OTUD4: variants seen among roughly 807,000 people sequenced by gnomAD.
OTUD4 encodes the protein OTU deubiquitinase 4.
A neutral mutation model predicts 130.4 loss-of-function variants in OTUD4; 24 were observed. The observed-to-expected ratio is 0.18, with a 90% CI of 0.13 to 0.26. OTUD4 has a LOEUF of 0.26. Among genes scored for constraint, OTUD4 ranks in the 10% least tolerant of loss-of-function variants. The probability of loss-of-function intolerance (pLI) is 1.00; values close to 1 mark genes in which losing one functional copy is unlikely to be tolerated. For synonymous variants in OTUD4, 420 were observed against 472.5 expected, an observed-to-expected ratio of 0.89 and a Z score of 1.44; for missense variants, 1,031 against 1,329.4, an observed-to-expected ratio of 0.78 and a Z score of 3.49.
At chr4:145,149,876 A>G (rs1293831109) in intron 13 of OTUD4, among the ~76,000 whole-genome samples, 2 of 152,262 alleles carry the variant, frequency 1.3e-5, no homozygotes, top group African/African-American at 2.4e-5. Context: ...CAGTTTCAAC[A>G]TAAGACACAG....
chr4:145,137,241 A>G lies in OTUD4; in HGVS notation c.*189T>C, dbSNP rs1750317120. ...AGATTCTGAATGAAGAAAACTGGCA[A>G]TGCCAGGAATTAACCTGCCCCCTTG... On this transcript the variant is annotated 3_prime_UTR_variant, in exon 21 of 21. Transcript: ENST00000447906. 4.3e-6 allele frequency: 2 copies of G among 468,518 alleles called. No homozygotes were observed. The highest frequency in any genetic ancestry group is 3.9e-5 in the African/African-American group (2 of 50,650). 29.0% of individuals were successfully genotyped at this position (468,518 alleles called of 1,614,324 possible).
chr4:145,174,389 T>C (rs1412743685), intron 2 of OTUD4, among the ~76,000 whole-genome samples: 3 of 152,188 alleles, frequency 2.0e-5, no homozygotes, highest in East Asian at 1.9e-4. Context: ...GCAAGGGCCT[T>C]GTCCAGGTCA....
intron 14 of OTUD4, among the ~76,000 whole-genome samples, chr4:145,145,460 G>A (rs1750776470): frequency 6.6e-6 from 1 of 152,112 alleles, no homozygotes; most frequent in Admixed American, 6.5e-5. Context: ...ACAGAGACCA[G>A]AAGACACACC....
At chr4:145,143,497 G>A (rs764817261) in intron 16 of OTUD4, 52 bp from the exon 17 acceptor site, 3 of 1,039,962 alleles carry the variant, frequency 2.9e-6, no homozygotes, top group Non-Finnish European at 4.5e-6. Context: ...CCCACATTCT[G>A]GAATATTGAT....
chr4:145,168,405 T>TA (rs1751982639), intron 3 of OTUD4, among the ~76,000 whole-genome samples: 5 of 11,042 alleles, frequency 4.5e-4, no homozygotes, highest in Admixed American at 1.2e-3. Context: ...ATAAATAAAA[T>TA]AAAAAATTAA....
rs763369177 is a variant in OTUD4, at chr4:145,141,551, G to A, written c.1911C>T (p.Pro637=). ...DSAVSQAHLT[P]SPVPVSIQAV... is the part of the protein sequence containing the mutation. ...CCTGTATTGACACAGGAACTGGAGA[G>A]GGTGTTAAATGAGCTTGGGATACAG... Residue 637 remains proline (P), a synonymous_variant, in exon 19 of 21, where the codon CCC becomes CCT. Coordinates refer to ENST00000447906, the MANE Select transcript of OTUD4 (RefSeq NM_001366057.1). 1 of 1,611,510 alleles carries A rather than the reference G, an allele frequency of 6.2e-7. No homozygotes were observed. The highest frequency in any genetic ancestry group is 8.5e-7 in the Non-Finnish European group (1 of 1,178,524).
At chr4:145,163,324 C>T (rs976257395) in intron 5 of OTUD4, among the ~76,000 whole-genome samples, 10 of 152,318 alleles carry the variant, frequency 6.6e-5, no homozygotes, top group African/African-American at 2.2e-4. Context: ...GCCATCATGA[C>T]TCCAAAATAG....
chr4:145,149,416 T>G (rs1008601117), intron 13 of OTUD4: 2 of 152,246 alleles, frequency 1.3e-5, no homozygotes, highest in African/African-American at 4.8e-5. Flanking sequence ...CTGACCAGTT[T>G]ATGGTATTTT....
At chr4:145,141,008 T>C (rs918781491) in intron 19 of OTUD4, among the ~76,000 whole-genome samples, 1 of 151,448 alleles carries the variant, frequency 6.6e-6, no homozygotes, top group Non-Finnish European at 1.5e-5. Context: ...TACTAAAAAA[T>C]ACAAAAAATT....
chr4:145,176,139 G>A (rs1752410731), intron 1 of OTUD4, among the ~76,000 whole-genome samples: 1 of 150,612 alleles, frequency 6.6e-6, no homozygotes, highest in Non-Finnish European at 1.5e-5. Flanking sequence ...CAGGTGATCT[G>A]CCCGCCTGGG....
chr4:145,143,913 A>G (rs1413579460), intron 16 of OTUD4, 33 bp downstream of exon 16: 2 of 1,545,964 alleles, frequency 1.3e-6, no homozygotes, highest in Non-Finnish European at 1.8e-6. Context: ...TTAAGGAAAA[A>G]GAAAAGATGC....
At chr4:145,143,769 A>G (rs1489413814) in intron 16 of OTUD4, among the ~76,000 whole-genome samples, 177 bp downstream of exon 16, 1 of 152,204 alleles carries the variant, frequency 6.6e-6, no homozygotes, top group Non-Finnish European at 1.5e-5. Context: ...ACCTTGAAGA[A>G]ACTGTCATAA....
intron 6 of OTUD4, among the ~76,000 whole-genome samples, chr4:145,160,489 G>A (rs1181351368): frequency 1.3e-5 from 2 of 152,142 alleles, no homozygotes; most frequent in Non-Finnish European, 2.9e-5. Flanking sequence ...TTATAACAAT[G>A]AGCTTTAAGA....
chr4:145,138,685 A>G (rs1750405830), intron 20 of OTUD4, 35 bp from the exon 21 acceptor site: 8 of 1,553,954 alleles, frequency 5.1e-6, no homozygotes, highest in Non-Finnish European at 6.9e-6. Flanking sequence ...TAAACAAAAG[A>G]GGAGAAAAAA....
intron 17 of OTUD4, 87 bp from the exon 18 acceptor site, chr4:145,142,421 T>G: frequency 8.9e-7 from 1 of 1,127,444 alleles, no homozygotes; most frequent in Non-Finnish European, 1.3e-6. Context: ...AGATACATAT[T>G]GAGTTGCCTG....
Position 145,143,948 on chromosome 4 carries a change from C to T in OTUD4, c.1600G>A (p.Glu534Lys). The T allele has an allele frequency of 6.2e-7, 1 of 1,610,048 alleles. No homozygotes were observed. The highest frequency in any genetic ancestry group is 8.5e-7 in the Non-Finnish European group (1 of 1,176,458). Residue 534 changes from glutamate (E) to lysine (K), a missense_variant and splice_region_variant, in exon 16 of 21, where the codon GAG becomes AAG. Around this residue, in one of 3 missense-constraint regions of OTUD4, gnomAD observed 900 missense variants for 1,095.9 expected, o/e 0.82. Coordinates refer to ENST00000447906, the MANE Select transcript of OTUD4 (RefSeq NM_001366057.1). Reference sequence around the variant, plus strand: ...CAAGTAGTGTTTAAAACTTTTACCTCCAATGTGCTTGGTTCGGGTCTTTTA... The same window carrying T: ...CAAGTAGTGTTTAAAACTTTTACCTTCAATGTGCTTGGTTCGGGTCTTTTA... ...LDKRPEPSTLENITDDKYATV... is the reference protein window; with the variant it reads ...LDKRPEPSTLKNITDDKYATV...
chr4:145,152,606 C>G lies in OTUD4; in HGVS notation c.903G>C (p.Leu301Phe), dbSNP rs1751115454. The G allele has an allele frequency of 1.2e-6, 2 of 1,610,514 alleles. No individual in the cohort carries two copies. The highest frequency in any genetic ancestry group is 1.3e-5 in the African/African-American group (1 of 74,606). Residue 301 changes from leucine (L) to phenylalanine (F), a missense_variant, in exon 11 of 21, where the codon TTG becomes TTC. This residue lies in a region of OTUD4 where 900 missense variants were observed against 1,095.9 expected (regional missense o/e 0.82). Transcript: ENST00000447906. Reference sequence around the variant, plus strand: ...AATGAATTCCTTGAACATCTGCATTCAAAAATTTTCCATTGTGATCCAACC... The same window carrying G: ...AATGAATTCCTTGAACATCTGCATTGAAAAATTTTCCATTGTGATCCAACC... ...QVRLDHNGKF[L>F]NADVQGIHSE...
intron 1 of OTUD4, 63 bp downstream of exon 1, chr4:145,179,752 C>A (rs984517773): frequency 4.1e-6 from 6 of 1,467,462 alleles, no homozygotes; most frequent in Non-Finnish European, 5.4e-6. Context: ...GCTGCCTCCC[C>A]ACCCAGACCC....
At chr4:145,153,596 C>A (rs374174632) in intron 10 of OTUD4, among the ~76,000 whole-genome samples, 1 of 152,170 alleles carries the variant, frequency 6.6e-6, no homozygotes, top group African/African-American at 2.4e-5. Flanking sequence ...AAAAATAGAT[C>A]CATTAACTGT....
Sources: allele counts gnomAD v4.1 joint callset (sites outside exome capture counted in the v4.1 genomes callset), GRCh38; gene constraint gnomAD v4.1.1; regional missense constraint gnomAD v4.1.1; transcripts MANE v1.5; gene names NCBI Gene and HGNC (gene_info 2026-07-23, HGNC 2026-07-21).